The following ANKS1A variants were observed in gnomAD, a reference collection of about 807,000 sequenced individuals.
The protein encoded by ANKS1A is ankyrin repeat and sterile alpha motif domain containing 1A, also known as ankyrin repeat and SAM domain-containing protein 1A.
A neutral mutation model predicts 120.3 loss-of-function variants in ANKS1A; 55 were observed. That is an observed-to-expected ratio of 0.46 (90% confidence interval 0.37 to 0.57). The LOEUF (loss-of-function observed/expected upper bound fraction) is 0.57, where lower values mean the gene tolerates loss of function less well. Among genes scored for constraint, ANKS1A ranks in the 20% least tolerant of loss-of-function variants. ANKS1A has a pLI of 0.00. For missense variants in ANKS1A, 1,123 were observed against 1,480.3 expected (o/e 0.76, Z 3.96); for synonymous variants, 590 against 604.7 (o/e 0.98, Z 0.36).
At chr6:34,939,596 C>G (rs1184583219) in intron 1 of ANKS1A, among the ~76,000 whole-genome samples, 1 of 151,934 alleles carries the variant, frequency 6.6e-6, no homozygotes, top group Non-Finnish European at 1.5e-5. Flanking sequence ...GCCTGTAATC[C>G]CAGCACTTTG....
At chr6:34,975,613 C>T (rs1357691349) in intron 3 of ANKS1A, among the ~76,000 whole-genome samples, 1 of 151,716 alleles carries the variant, frequency 6.6e-6, no homozygotes, top group Non-Finnish European at 1.5e-5. Context: ...AAAAAATTAG[C>T]CAGGCATAGT....
intron 1 of ANKS1A, among the ~76,000 whole-genome samples, chr6:34,908,624 C>T (rs1051993468): frequency 3.3e-5 from 5 of 152,150 alleles, no homozygotes; most frequent in Non-Finnish European, 7.3e-5. Flanking sequence ...ATTATGAACT[C>T]GGTAACTCTC....
In ANKS1A at chr6:35,047,732, T is replaced by A. The variant is rs1435451653; in HGVS notation, c.2011-6367T>A. Among the ~76,000 whole-genome samples, 4 of 152,374 alleles carry A rather than the reference T, an allele frequency of 2.6e-5. No individual in the cohort carries two copies. The South Asian group carries it at 8.3e-4, about 32-fold the overall frequency. On this transcript the variant is annotated intron_variant, in intron 11 of 23. Transcript: ENST00000360359. ...GAATCTAGGTCTCCCAACTTTTTTA[T>A]TCTTTCAGCAGTTTCTTGGCGCTTT... is the stretch of plus-strand genomic sequence containing the variant.
At chr6:35,023,910 T>G (rs1774479989) in intron 11 of ANKS1A, 1 of 154,454 alleles carries the variant, frequency 6.5e-6, no homozygotes, top group Non-Finnish European at 1.4e-5. Flanking sequence ...AATTTCCATG[T>G]CTTTCTTTAT....
At chr6:35,091,551 C>A, downstream of ANKS1A, 2 of 507,786 alleles carry the variant, frequency 3.9e-6, no homozygotes, top group Non-Finnish European at 5.1e-6. Context: ...GGCTGTTTGG[C>A]TTTCTGTCTC....
chr6:34,976,378 G>A (rs942030037), intron 3 of ANKS1A, among the ~76,000 whole-genome samples: 4 of 151,878 alleles, frequency 2.6e-5, no homozygotes, highest in Non-Finnish European at 2.9e-5. Flanking sequence ...TCAACAAGTC[G>A]GTGTAAACCA....
At chr6:34,990,954 G>A (rs1415673241) in intron 9 of ANKS1A, among the ~76,000 whole-genome samples, 1 of 152,160 alleles carries the variant, frequency 6.6e-6, no homozygotes, top group African/African-American at 2.4e-5. Flanking sequence ...TTCATATGCT[G>A]TAGTTTGTAG....
At chr6:34,920,660 A>T (rs535020110) in intron 1 of ANKS1A, among the ~76,000 whole-genome samples, 1 of 152,360 alleles carries the variant, frequency 6.6e-6, no homozygotes, top group East Asian at 1.9e-4. Flanking sequence ...ACTCCTGTGA[A>T]TTGGGTGCTA....
intron 10 of ANKS1A, among the ~76,000 whole-genome samples, chr6:35,012,910 A>C (rs1437465188): frequency 1.3e-5 from 2 of 152,124 alleles, no homozygotes; most frequent in African/African-American, 2.4e-5. Flanking sequence ...GGGAGGGCAG[A>C]GCTCGGGGAA....
intron 1 of ANKS1A, among the ~76,000 whole-genome samples, chr6:34,955,823 C>A (rs1770335266): frequency 6.6e-6 from 1 of 152,166 alleles, no homozygotes; most frequent in Admixed American, 6.5e-5. Context: ...ATTTTGAAAG[C>A]ATTTCTCCTT....
intron 8 of ANKS1A, among the ~76,000 whole-genome samples, chr6:34,985,950 G>A (rs779612471): frequency 6.6e-6 from 1 of 152,072 alleles, no homozygotes; most frequent in African/African-American, 2.4e-5. Context: ...ATTATATCCC[G>A]ATAAAGCCAT....
intron 13 of ANKS1A, among the ~76,000 whole-genome samples, chr6:35,064,642 C>T (rs988236960): frequency 6.6e-6 from 1 of 152,220 alleles, no homozygotes; most frequent in South Asian, 2.1e-4. Context: ...ACCAGCTTCA[C>T]GTGAACAGTG....
chr6:34,969,574 C>G (rs1446274570), intron 2 of ANKS1A, among the ~76,000 whole-genome samples: 1 of 152,176 alleles, frequency 6.6e-6, no homozygotes. Context: ...TTTTGTTCTG[C>G]TTGGCCTCTC....
chr6:34,977,965 C>CT (rs552179165), intron 3 of ANKS1A, among the ~76,000 whole-genome samples: 132 of 145,802 alleles, frequency 9.1e-4, no homozygotes, highest in South Asian at 7.2e-3. Flanking sequence ...TTCTTTCTTC[C>CT]TTTTTTTTTT....
At chr6:34,969,698 A>T (rs1183214232) in intron 2 of ANKS1A, among the ~76,000 whole-genome samples, 26 of 152,238 alleles carry the variant, frequency 1.7e-4, no homozygotes, top group Non-Finnish European at 1.5e-5. Context: ...TAAACATGAT[A>T]AACAAGGAAA....
downstream of ANKS1A, among the ~76,000 whole-genome samples, chr6:35,094,919 T>A (rs1778413621): frequency 6.6e-6 from 1 of 152,192 alleles, no homozygotes; most frequent in South Asian, 2.1e-4. Flanking sequence ...GTGGGAGAAT[T>A]GCTTGAGTCC....
intron 1 of ANKS1A, among the ~76,000 whole-genome samples, chr6:34,947,041 A>T (rs1769834434): frequency 2.0e-5 from 3 of 152,048 alleles, no homozygotes; most frequent in Non-Finnish European, 4.4e-5. Flanking sequence ...TAAAATGCAA[A>T]TTCTTATTTT....
rs1333552302 is a variant in ANKS1A, at chr6:34,894,245, A to G, written c.197+4646A>G. 3.9e-5 allele frequency among the ~76,000 whole-genome samples: 6 copies of G among 152,370 alleles called. No individual in the cohort carries two copies. In the East Asian group the frequency reaches 1.2e-3, roughly 29 times the overall value. The stretch of plus-strand genomic sequence containing the variant: ...GACAGTTTGCTATGTTTAGAGTTAT[A>G]GTGAAATACTGATTTCCAAGAAAGA... On this transcript the variant is annotated intron_variant, in intron 1 of 23. Transcript: ENST00000360359.
At position 35,083,488 on chromosome 6, in the gene ANKS1A, C is replaced by T. The variant is rs113407517; in HGVS notation, c.2979C>T (p.Ile993=). 2.5e-4 allele frequency: 409 copies of T among 1,614,026 alleles called. 1 individual carries two copies. In the African/African-American group the frequency reaches 3.6e-3, roughly 14 times the overall value. The change falls in exon 20 of 24, where the codon ATC becomes ATT. Residue 993 remains isoleucine, a synonymous_variant. Transcript: ENST00000360359. ...LSITYKGVKF[I]DASNKNVIAE... ...TCACATACAAAGGTGTCAAGTTCAT[C>T]GATGCCTCCAACAAGGTGTGCTGCT...
Sources: allele counts gnomAD v4.1 joint callset (sites outside exome capture counted in the v4.1 genomes callset), GRCh38; gene constraint gnomAD v4.1.1; transcripts MANE v1.5; gene names NCBI Gene and HGNC (gene_info 2026-07-23, HGNC 2026-07-21).